Variants in THBS2 observed in about 807,000 individuals in gnomAD.
THBS2 encodes thrombospondin-2.
In THBS2, 47 loss-of-function variants were observed where a neutral mutation model predicts 135.2. The observed-to-expected ratio is 0.35, with a 90% CI of 0.28 to 0.44. The LOEUF is 0.44. Among genes scored for constraint, THBS2 ranks in the 20% least tolerant of loss-of-function variants. THBS2 has a pLI of 1.00. For missense variants in THBS2, 1,288 were observed against 1,603.1 expected, an observed-to-expected ratio of 0.80 and a Z score of 3.36; for synonymous variants, 639 against 633.8, an observed-to-expected ratio of 1.01 and a Z score of -0.12.
intron 21 of THBS2, chr6:169,219,801 T>C (rs1452102770): frequency 3.8e-6 from 2 of 524,228 alleles, no homozygotes; most frequent in Non-Finnish European, 7.6e-6. Context: ...AATATACCTG[T>C]AGCGAGATAA....
At chr6:169,232,235 G>A in intron 12 of THBS2, 37 bp from the exon 13 acceptor site, 1 of 1,607,186 alleles carries the variant, frequency 6.2e-7, no homozygotes, top group Non-Finnish European at 8.5e-7. Context: ...GCGACAGGCA[G>A]GACGATGGCT....
intron 8 of THBS2, 57 bp downstream of exon 8, chr6:169,237,568 G>A: frequency 6.2e-7 from 1 of 1,604,042 alleles, no homozygotes; most frequent in African/African-American, 1.3e-5. Context: ...CCCGATGACT[G>A]AGAGAAACGC....
At chr6:169,246,343 G>T in intron 3 of THBS2, 62 bp from the exon 4 acceptor site, 1 of 1,304,414 alleles carries the variant, frequency 7.7e-7, no homozygotes, top group African/African-American at 1.5e-5. Context: ...TTGATGCCAA[G>T]CTAACTGACA....
At chr6:169,223,997 G>A (rs894297302) in intron 17 of THBS2, among the ~76,000 whole-genome samples, 3 of 152,200 alleles carry the variant, frequency 2.0e-5, no homozygotes, top group Non-Finnish European at 2.9e-5. Context: ...TGGCATGGTG[G>A]GGAGTGGGGA....
chr6:169,226,056 G>C, intron 16 of THBS2, 124 bp downstream of exon 16: 1 of 1,067,414 alleles, frequency 9.4e-7, no homozygotes, highest in Non-Finnish European at 1.4e-6. Flanking sequence ...CCTGCCCATG[G>C]CTGCCCTCAT....
At chr6:169,229,762 T>C (rs1779768233) in intron 13 of THBS2, 83 bp from the exon 14 acceptor site, 3 of 1,165,032 alleles carry the variant, frequency 2.6e-6, no homozygotes, top group Admixed American at 1.8e-5. Context: ...GAAACCAGCA[T>C]GGCGCCGAGG....
chr6:169,239,194 T>G (rs1780207279), intron 7 of THBS2: 1 of 181,868 alleles, frequency 5.5e-6, no homozygotes, highest in East Asian at 1.5e-4. Flanking sequence ...CTTTGGTTTT[T>G]GTTTGTCTGA....
intron 8 of THBS2, 95 bp downstream of exon 8, chr6:169,237,530 T>A (rs779485084): frequency 3.8e-6 from 6 of 1,566,208 alleles, no homozygotes; most frequent in South Asian, 2.2e-5. Flanking sequence ...CAGCACCTCG[T>A]GAGGGCAGCT....
intron 21 of THBS2, among the ~76,000 whole-genome samples, chr6:169,218,686 TGGATG>T (rs1344276747): frequency 7.8e-6 from 1 of 127,516 alleles, no homozygotes; most frequent in Admixed American, 8.3e-5. Context: ...AGTAGATGGA[TGGATG>T]GGATGGATGG....
chr6:169,248,796 A>G lies in THBS2; in HGVS notation c.230T>C (p.Ile77Thr). The stretch of plus-strand genomic sequence containing the variant: ...GAAGAAGCCCTCCTTCTGCCGCATG[A>G]TCTTGGTGATCTTGCTGAGGTCATC... ...NADDLSKITKIMRQKEGFFLT... is the reference protein window; with the variant it reads ...NADDLSKITKTMRQKEGFFLT... Residue 77 changes from isoleucine (I) to threonine (T), a missense_variant, in exon 3 of 22, where the codon ATC (isoleucine) becomes ACC (threonine). Physicochemically the swap from Ile to Thr is moderately conservative, Grantham distance 89. Transcript: ENST00000617924. 6.2e-7 allele frequency: 1 copy of G among 1,611,106 alleles called. No homozygotes were observed. The highest frequency in any genetic ancestry group is 8.5e-7 in the Non-Finnish European group (1 of 1,179,966).
At chr6:169,220,112 T>C in intron 21 of THBS2, 86 bp downstream of exon 21, 1 of 1,515,922 alleles carries the variant, frequency 6.6e-7, no homozygotes, top group Non-Finnish European at 8.9e-7. Context: ...TGTACAGCTT[T>C]TGTAAGTGGA....
rs1779623918 is a variant in THBS2, at chr6:169,226,217, T to C, written c.2501A>G (p.His834Arg). 1 of 1,614,006 alleles carries C rather than the reference T, an allele frequency of 6.2e-7. No individual in the cohort carries two copies. Among genetic ancestry groups the C allele is most frequent in the Non-Finnish European group, 8.5e-7 (1 of 1,180,024 alleles). The change falls in exon 16 of 22, where the codon CAC becomes CGC. Residue 834 changes from histidine to arginine, a missense_variant. By Grantham distance (29) the His-to-Arg change is conservative. This residue lies in a region of THBS2 where 874 missense variants were observed against 1,156.1 expected (regional missense o/e 0.76). Transcript: ENST00000617924. ...RDTDGDGVGD[H>R]CDNCPLVHNP... ...GTGCACCAGGGGGCAGTTGTCACAGTGATCCCCCACACCGTCACCATCCGT... is the reference window on the plus strand; with the variant it reads ...GTGCACCAGGGGGCAGTTGTCACAGCGATCCCCCACACCGTCACCATCCGT...
intron 17 of THBS2, among the ~76,000 whole-genome samples, chr6:169,224,028 C>A (rs1356502859): frequency 6.6e-6 from 1 of 152,038 alleles, no homozygotes; most frequent in African/African-American, 2.4e-5. Context: ...CTGGTGCAAA[C>A]AGGGGGACCA....
intron 19 of THBS2, 40 bp from the exon 20 acceptor site, chr6:169,221,567 C>T (rs757688820): frequency 2.8e-5 from 45 of 1,596,988 alleles, no homozygotes; most frequent in South Asian, 4.4e-5. Flanking sequence ...CATGGGCACC[C>T]GGAGCCTTAA....
intron 10 of THBS2, chr6:169,234,441 C>T (rs549662311): frequency 1.4e-4 from 45 of 312,082 alleles, no homozygotes; most frequent in Non-Finnish European, 1.9e-4. Flanking sequence ...CCACAGGCCA[C>T]GCCACACAAC....
chr6:169,219,291 T>TTGA (rs1779327460), intron 21 of THBS2, among the ~76,000 whole-genome samples: 1 of 117,826 alleles, frequency 8.5e-6, no homozygotes, highest in African/African-American at 3.4e-5. Context: ...GATGAGATAG[T>TTGA]TGGGTGGATG....
At chr6:169,218,075 G>A (rs1269193535) in intron 21 of THBS2, among the ~76,000 whole-genome samples, 119 of 117,302 alleles carry the variant, frequency 1.0e-3, no homozygotes, top group African/African-American at 3.5e-3. Flanking sequence ...AAATGGATGG[G>A]TGGGTGGATG....
At chr6:169,249,374 G>A (rs1780680219) in intron 2 of THBS2, among the ~76,000 whole-genome samples, 2 of 152,188 alleles carry the variant, frequency 1.3e-5, no homozygotes, top group Admixed American at 1.3e-4. Context: ...AGGTCACTCT[G>A]TCTGGCTCTT....
intron 13 of THBS2, among the ~76,000 whole-genome samples, chr6:169,230,353 G>A (rs1209382028): frequency 6.6e-6 from 1 of 151,960 alleles, no homozygotes; most frequent in Non-Finnish European, 1.5e-5. Flanking sequence ...CAGTACAAGA[G>A]CCCCAAGGGT....
Sources: allele counts gnomAD v4.1 joint callset (sites outside exome capture counted in the v4.1 genomes callset), GRCh38; gene constraint gnomAD v4.1.1; regional missense constraint gnomAD v4.1.1; transcripts MANE v1.5; gene names NCBI Gene and HGNC (gene_info 2026-07-23, HGNC 2026-07-21).